The following CACNA2D4 variants were observed in gnomAD, a reference collection of about 807,000 sequenced individuals.
CACNA2D4 encodes the protein voltage-dependent calcium channel subunit alpha-2/delta-4.
In CACNA2D4, 157 loss-of-function variants were observed where a neutral mutation model predicts 163.8. That is an observed-to-expected ratio of 0.96 (90% confidence interval 0.84 to 1.09). The LOEUF (loss-of-function observed/expected upper bound fraction) is 1.09, where lower values mean the gene tolerates loss of function less well. Among genes scored for constraint, CACNA2D4 ranks in the 50% least tolerant of loss-of-function variants. The pLI, the probability that CACNA2D4 is intolerant of heterozygous loss-of-function variation, is 0.00. For synonymous variants in CACNA2D4, 598 were observed against 586.9 expected (o/e 1.02, Z -0.27); for missense variants, 1,410 against 1,479.9 (o/e 0.95, Z 0.78).
intron 18 of CACNA2D4, among the ~76,000 whole-genome samples, chr12:1,865,716 G>A (rs889831669): frequency 2.6e-5 from 4 of 152,220 alleles, no homozygotes; most frequent in Admixed American, 2.6e-4. Context: ...CGGGCGGCAG[G>A]CGCGAGGGGA....
In CACNA2D4 at chr12:1,914,857, C is replaced by T. The variant is rs1295230600; in HGVS notation, c.306G>A (p.Gln102=). The T allele has an allele frequency of 6.2e-7, 1 of 1,612,670 alleles. No individual in the cohort carries two copies. The change falls in exon 2 of 38, where the codon CAG becomes CAA. Residue 102 remains glutamine (Q), a synonymous_variant. Coordinates refer to ENST00000382722, the MANE Select transcript of CACNA2D4 (RefSeq NM_172364.5). The part of the protein sequence containing the change: ...VTKYSGSLLL[Q]KKYKDVESSL... Reference sequence around the variant, plus strand: ...TCTCTGGAAGGGGGTGACTGACCTTCTGCAGCAAGAGAGAGCCTGAGTATT... The same window carrying T: ...TCTCTGGAAGGGGGTGACTGACCTTTTGCAGCAAGAGAGAGCCTGAGTATT...
chr12:1,794,436 G>A (rs993214745), intron 37 of CACNA2D4, among the ~76,000 whole-genome samples: 1 of 152,202 alleles, frequency 6.6e-6, no homozygotes, highest in Non-Finnish European at 1.5e-5. Context: ...ACACTATTGA[G>A]AGTTAGCATT....
At chr12:1,893,566 G>A (rs4765650) in intron 6 of CACNA2D4, among the ~76,000 whole-genome samples, 138,312 of 152,160 alleles carry the variant, frequency 0.91, 62,991 homozygotes, top group East Asian at 1. Context: ...GTATCTTCTC[G>A]GACTACAATA....
Position 1,860,202 on chromosome 12 carries a change from C to A in CACNA2D4, c.1883G>T (p.Arg628Leu), listed in dbSNP as rs759766082. The A allele has an allele frequency of 6.2e-7, 1 of 1,613,410 alleles. No homozygotes were observed. The highest frequency in any genetic ancestry group is 1.7e-5 in the Admixed American group (1 of 60,022). Residue 628 changes from arginine to leucine, a missense_variant, in exon 19 of 38, where the codon CGA (arginine) becomes CTA (leucine). Arg to Leu is a moderately radical substitution (Grantham distance 102). Coordinates refer to ENST00000382722, the MANE Select transcript of CACNA2D4 (RefSeq NM_172364.5). The part of the protein sequence containing the change: ...DVKVPMDKGK[R>L]VLFLTNDYFF... ...GTAGTCATTGGTCAGGAAAAGAACTCGCTTCTGAAAGAGTAGACAAGGAAA... is the reference window on the plus strand; with the variant it reads ...GTAGTCATTGGTCAGGAAAAGAACTAGCTTCTGAAAGAGTAGACAAGGAAA...
intron 25 of CACNA2D4, 45 bp from the exon 26 acceptor site, chr12:1,840,864 G>A: frequency 6.5e-7 from 1 of 1,543,912 alleles, no homozygotes; most frequent in Non-Finnish European, 9.0e-7. Context: ...AGCTGTGGTT[G>A]GGGCAGGTGG....
At chr12:1,826,739 G>A (rs1303862285) in intron 26 of CACNA2D4, among the ~76,000 whole-genome samples, 1 of 152,236 alleles carries the variant, frequency 6.6e-6, no homozygotes, top group Non-Finnish European at 1.5e-5. Context: ...TTCTAACTGA[G>A]CACTGCTGTG....
chr12:1,879,357 C>T (rs1010677869), intron 14 of CACNA2D4, among the ~76,000 whole-genome samples: 9 of 152,140 alleles, frequency 5.9e-5, no homozygotes, highest in South Asian at 4.1e-4. Context: ...CCATAACTCA[C>T]GGGGGCTCTG....
rs200207989 is a variant in CACNA2D4, at chr12:1,831,281, C to G, written c.2551+9458G>C. The G allele has an allele frequency of 4.3e-5, 69 of 1,613,734 alleles. 1 individual carries two copies. The East Asian group carries it at 1.4e-3, about 33-fold the overall frequency. ...CCCTGGACAGGGACCTGCTGCGGCA[C>G]TCGCCGCTGCTCCGCCACCTGGACC... is the stretch of plus-strand genomic sequence containing the variant. On this transcript the variant is annotated intron_variant, in intron 26 of 37. Transcript: ENST00000382722.
At chr12:1,809,770 A>G (rs1043655045) in intron 29 of CACNA2D4, among the ~76,000 whole-genome samples, 3 of 152,178 alleles carry the variant, frequency 2.0e-5, no homozygotes, top group African/African-American at 7.2e-5. Context: ...CTTCTCTGAC[A>G]CACCGAAGGC....
Position 1,914,445 on chromosome 12 carries a change from C to T in CACNA2D4, c.309+409G>A, listed in dbSNP as rs115490435. On this transcript the variant is annotated intron_variant, in intron 2 of 37. Coordinates refer to ENST00000382722, the MANE Select transcript of CACNA2D4 (RefSeq NM_172364.5). ...GGGAGGTCTCCCTGCGCAGAGGCCA[C>T]AGCCCTTTCACCTTCTACGGCCCGA... 7.0e-3 allele frequency among the ~76,000 whole-genome samples: 1,068 copies of T among 152,280 alleles called. 17 individuals carry two copies. Among genetic ancestry groups the T allele is most frequent in the African/African-American group, 0.024 (1,016 of 41,552 alleles).
intron 23 of CACNA2D4, among the ~76,000 whole-genome samples, chr12:1,850,498 C>A (rs569410804): frequency 6.6e-5 from 10 of 152,110 alleles, no homozygotes; most frequent in Non-Finnish European, 1.3e-4. Flanking sequence ...TATAGAGTAA[C>A]CCTTTATCTG....
intron 26 of CACNA2D4, among the ~76,000 whole-genome samples, chr12:1,816,536 G>C (rs1863878102): frequency 6.6e-6 from 1 of 152,084 alleles, no homozygotes; most frequent in African/African-American, 2.4e-5. Context: ...TCTCTGCCCT[G>C]CCTCTCCACA....
At position 1,802,776 on chromosome 12, in the gene CACNA2D4, T is replaced by G. The variant is rs1341106491; in HGVS notation, c.2722-1132A>C. ...CTCTGTCCTCATGCCAAGGAACTTC[T>G]TTCCTCACCCTCGCTGGGAAGTCTT... On this transcript the variant is annotated intron_variant, in intron 29 of 37. Transcript: ENST00000382722. The surrounding 1 kb of genome is among the most constrained non-coding windows in gnomAD (Gnocchi z 4.7). Among the ~76,000 whole-genome samples the G allele has an allele frequency of 1.3e-5, 2 of 152,228 alleles. No homozygotes were observed. Among genetic ancestry groups the G allele is most frequent in the Non-Finnish European group, 2.9e-5 (2 of 68,042 alleles).
intron 14 of CACNA2D4, 100 bp downstream of exon 14, chr12:1,879,704 G>T: frequency 1.1e-6 from 1 of 951,086 alleles, no homozygotes; most frequent in Non-Finnish European, 1.7e-6. Context: ...TCCCAAGGTG[G>T]CTCAGAGGCA....
intron 6 of CACNA2D4, 29 bp downstream of exon 6, chr12:1,907,411 G>C: frequency 6.2e-7 from 1 of 1,604,942 alleles, no homozygotes; most frequent in Non-Finnish European, 8.5e-7. Flanking sequence ...ATCCCAGAAG[G>C]TCGGGGAGAT....
Position 1,833,435 on chromosome 12 carries a change from G to T in CACNA2D4, c.2551+7304C>A, listed in dbSNP as rs150875761. The stretch of plus-strand genomic sequence containing the variant: ...CACCCCAGCCCTGTCCTGCATCTGT[G>T]TCTCCCTCTGTCCAAGCCAGCCTCC... On this transcript the variant is annotated intron_variant, in intron 26 of 37. Coordinates refer to ENST00000382722, the MANE Select transcript of CACNA2D4 (RefSeq NM_172364.5). This position sits in a 1 kb window ranked among gnomAD's most constrained non-coding sequence, Gnocchi z 4.2. Among the ~76,000 whole-genome samples the T allele has an allele frequency of 6.6e-6, 1 of 152,244 alleles. No individual in the cohort carries two copies. Among genetic ancestry groups the T allele is most frequent in the East Asian group, 1.9e-4 (1 of 5,170 alleles).
intron 6 of CACNA2D4, among the ~76,000 whole-genome samples, chr12:1,894,409 A>C (rs1434563720): frequency 6.6e-6 from 1 of 152,166 alleles, no homozygotes; most frequent in South Asian, 2.1e-4. Flanking sequence ...CTCTAATATC[A>C]AAACCAGATA....
chr12:1,822,919 C>T (rs1471035034), intron 26 of CACNA2D4, among the ~76,000 whole-genome samples: 1 of 152,208 alleles, frequency 6.6e-6, no homozygotes, highest in Non-Finnish European at 1.5e-5. Context: ...CGGGCTCCCT[C>T]TCAGCCTTCC....
At chr12:1,808,552 T>C (rs1347324274) in intron 29 of CACNA2D4, among the ~76,000 whole-genome samples, 1 of 152,184 alleles carries the variant, frequency 6.6e-6, no homozygotes, top group Non-Finnish European at 1.5e-5. Flanking sequence ...ATCCGCCCCT[T>C]TAGGAAACGC....
Sources: allele counts gnomAD v4.1 joint callset (sites outside exome capture counted in the v4.1 genomes callset), GRCh38; gene constraint gnomAD v4.1.1; non-coding constraint Gnocchi (gnomAD v3.1); transcripts MANE v1.5; gene names NCBI Gene and HGNC (gene_info 2026-07-23, HGNC 2026-07-21).